Variants in MYO5A observed in about 807,000 individuals in gnomAD.
MYO5A encodes the protein unconventional myosin-Va.
MYO5A carries 98 observed loss-of-function variants against 249.7 expected under a neutral mutation model. The ratio of observed to expected loss-of-function variants is 0.39; its 90% confidence interval spans 0.33 to 0.46. The LOEUF is 0.46. MYO5A is among the 20% of genes least tolerant of loss of function. MYO5A has a pLI of 0.98. For missense variants in MYO5A, 1,696 were observed against 2,308.8 expected (o/e 0.73, Z 5.44); for synonymous variants, 778 against 810.6 (o/e 0.96, Z 0.68).
intron 12 of MYO5A, among the ~76,000 whole-genome samples, chr15:52,389,853 C>A (rs1595578923): frequency 6.6e-6 from 1 of 152,188 alleles, no homozygotes; most frequent in East Asian, 1.9e-4. Flanking sequence ...ACTCAGGAGA[C>A]TGAGGCAGGA....
At chr15:52,480,917 G>A (rs1334432774) in intron 1 of MYO5A, among the ~76,000 whole-genome samples, 2 of 152,152 alleles carry the variant, frequency 1.3e-5, no homozygotes, top group Non-Finnish European at 2.9e-5. Context: ...AGTACCAACA[G>A]GCACAGGTCT....
intron 34 of MYO5A, among the ~76,000 whole-genome samples, chr15:52,332,688 G>A (rs1234302433): frequency 6.6e-6 from 1 of 152,152 alleles, no homozygotes; most frequent in African/African-American, 2.4e-5. Context: ...TGTTGGCCGG[G>A]CACAGTGACT....
intron 16 of MYO5A, among the ~76,000 whole-genome samples, chr15:52,381,627 G>A (rs2141128210): frequency 6.6e-6 from 1 of 152,294 alleles, no homozygotes; most frequent in East Asian, 1.9e-4. Flanking sequence ...AATATACTAT[G>A]TCTACACAAT....
intron 34 of MYO5A, among the ~76,000 whole-genome samples, chr15:52,333,428 T>C (rs1483252278): frequency 6.6e-6 from 1 of 152,156 alleles, no homozygotes; most frequent in Non-Finnish European, 1.5e-5. Flanking sequence ...GTGGGAAAAT[T>C]TGACACAAAG....
intron 22 of MYO5A, among the ~76,000 whole-genome samples, chr15:52,367,709 C>G (rs907577371): frequency 6.6e-6 from 1 of 152,110 alleles, no homozygotes; most frequent in Non-Finnish European, 1.5e-5. Flanking sequence ...GAGAATTTCT[C>G]TTTCATCTCC....
In MYO5A at chr15:52,351,493, G is replaced by C. The variant is rs376131994; in HGVS notation, c.3622-12C>G. ...TCTAGTTCTTGACGCTGTATGAAAA[G>C]ACAAAGAAAAGTTCATTGCTGTCAT... On this transcript the variant is annotated splice_polypyrimidine_tract_variant and intron_variant, in intron 27 of 41. Coordinates refer to ENST00000399233, the MANE Select transcript of MYO5A (RefSeq NM_001382347.1). 1.9e-6 allele frequency: 3 copies of C among 1,611,482 alleles called. No individual in the cohort carries two copies. Among genetic ancestry groups the C allele is most frequent in the Non-Finnish European group, 2.5e-6 (3 of 1,177,766 alleles).
intron 1 of MYO5A, among the ~76,000 whole-genome samples, chr15:52,477,325 C>T (rs1486491005): frequency 6.6e-6 from 1 of 152,122 alleles, no homozygotes; most frequent in Non-Finnish European, 1.5e-5. Context: ...GGCTTCTTTG[C>T]GATGGGTTTG....
chr15:52,527,769 A>G (rs1343568179), intron 1 of MYO5A, among the ~76,000 whole-genome samples: 1 of 152,180 alleles, frequency 6.6e-6, no homozygotes, highest in Non-Finnish European at 1.5e-5. Context: ...TGGGCCCTGG[A>G]CTTCAGTGAC....
chr15:52,338,494 G>A (rs546507142), intron 32 of MYO5A, among the ~76,000 whole-genome samples: 1 of 152,192 alleles, frequency 6.6e-6, no homozygotes, highest in African/African-American at 2.4e-5. Context: ...CTCCTGCTGG[G>A]CTTTAATATC....
chr15:52,322,871 T>C (rs1364128865), intron 37 of MYO5A, among the ~76,000 whole-genome samples: 2 of 152,108 alleles, frequency 1.3e-5, no homozygotes, highest in South Asian at 2.1e-4. Context: ...AGGGTACATG[T>C]GCACAATGTG....
At chr15:52,488,387 C>T (rs1356783235) in intron 1 of MYO5A, among the ~76,000 whole-genome samples, 1 of 152,162 alleles carries the variant, frequency 6.6e-6, no homozygotes, top group Non-Finnish European at 1.5e-5. Flanking sequence ...TTGGGGTCTG[C>T]ATTTCTGAAG....
At chr15:52,402,801 C>T (rs2042822262) in intron 9 of MYO5A, among the ~76,000 whole-genome samples, 2 of 152,022 alleles carry the variant, frequency 1.3e-5, no homozygotes, top group African/African-American at 4.8e-5. Context: ...GCCAAGATCG[C>T]ATCACTGCAC....
chr15:52,307,648 C>T lies in MYO5A; in HGVS notation c.*6048G>A, dbSNP rs578039280. The stretch of plus-strand genomic sequence containing the variant: ...TTTCAAAAAATTGTATCAAAATTTT[C>T]TATGCAGATCAAAGTAGAATTCCTT... On this transcript the variant is annotated 3_prime_UTR_variant, in exon 42 of 42. Transcript: ENST00000399233. 6.6e-6 allele frequency: 1 copy of T among 152,126 alleles called. No individual in the cohort carries two copies. The highest frequency in any genetic ancestry group is 1.9e-4 in the East Asian group (1 of 5,186). 9.4% of individuals were successfully genotyped at this position (152,126 alleles called of 1,614,324 possible). A position where few individuals can be genotyped will look rare whatever the true frequency, so the allele number is the denominator to read the frequency against.
chr15:52,484,218 G>A (rs1434459720), intron 1 of MYO5A, among the ~76,000 whole-genome samples: 2 of 152,208 alleles, frequency 1.3e-5, no homozygotes, highest in Admixed American at 1.3e-4. Context: ...ACGTATTACA[G>A]GTATGCATTA....
intron 1 of MYO5A, among the ~76,000 whole-genome samples, chr15:52,441,333 T>C (rs913906959): frequency 1.3e-5 from 2 of 152,164 alleles, no homozygotes; most frequent in African/African-American, 4.8e-5. Context: ...TGTGTCTGCA[T>C]GTGTGTGTAT....
Position 52,340,297 on chromosome 15 carries a change from G to A in MYO5A, c.4138C>T (p.Arg1380Ter), listed in dbSNP as rs1290655732. 1.2e-6 allele frequency: 2 copies of A among 1,614,006 alleles called. No individual in the cohort carries two copies. Reference protein sequence around the residue: ...EIQSLKEENNRQQQLLAQNLQ... With the variant: ...EIQSLKEENN Reference sequence around the variant, plus strand: ...TTCTGGGCCAGCAGCTGCTGCTGTCGGTTGTTCTCCTCCTTCAGGCTCTGG... The same window carrying A: ...TTCTGGGCCAGCAGCTGCTGCTGTCAGTTGTTCTCCTCCTTCAGGCTCTGG... Residue 1380 changes from arginine to a stop codon, truncating the protein, a stop_gained, in exon 32 of 42, where the codon CGA becomes TGA. Transcript: ENST00000399233. LOFTEE classifies it high-confidence loss of function.
chr15:52,365,586 C>T (rs964414902), intron 23 of MYO5A, among the ~76,000 whole-genome samples: 2 of 152,348 alleles, frequency 1.3e-5, no homozygotes, highest in East Asian at 1.9e-4. Flanking sequence ...GCTTCTATTG[C>T]TTCACCACTG....
chr15:52,355,812 AT>A (rs2141032865), intron 25 of MYO5A, among the ~76,000 whole-genome samples: 1 of 152,330 alleles, frequency 6.6e-6, no homozygotes, highest in East Asian at 1.9e-4. Flanking sequence ...GCATCCTTAG[AT>A]TTTGGTATTC....
At chr15:52,346,566 C>A in intron 29 of MYO5A, 105 bp from the exon 30 acceptor site, 1 of 757,384 alleles carries the variant, frequency 1.3e-6, no homozygotes, top group East Asian at 2.7e-5. Flanking sequence ...ATGTGCTCCA[C>A]CATACCTGTG....
Sources: allele counts gnomAD v4.1 joint callset (sites outside exome capture counted in the v4.1 genomes callset), GRCh38; gene constraint gnomAD v4.1.1; transcripts MANE v1.5; gene names NCBI Gene and HGNC (gene_info 2026-07-23, HGNC 2026-07-21).